ST18: variants seen among roughly 807,000 people sequenced by gnomAD.
The protein encoded by ST18 is suppression of tumorigenicity 18 protein.
A neutral mutation model predicts 110.0 loss-of-function variants in ST18; 50 were observed. The ratio of observed to expected loss-of-function variants is 0.45; its 90% CI spans 0.36 to 0.58. ST18 has a LOEUF of 0.58. ST18 is among the 20% of genes least tolerant of loss of function. The pLI, the probability that ST18 is intolerant of heterozygous loss-of-function variation, is 0.00. For synonymous variants in ST18, 461 were observed against 452.4 expected, an observed-to-expected ratio of 1.02 and a Z score of -0.24; for missense variants, 1,306 against 1,280.1, an observed-to-expected ratio of 1.02 and a Z score of -0.31.
chr8:52,239,616 A>C (rs997486326), intron 2 of ST18, among the ~76,000 whole-genome samples: 7 of 152,110 alleles, frequency 4.6e-5, no homozygotes, highest in Non-Finnish European at 8.8e-5. Flanking sequence ...TACCAAAAAA[A>C]CAAAAAGCCA....
At chr8:52,357,689 A>G (rs1349026143) in intron 2 of ST18, among the ~76,000 whole-genome samples, 2 of 44,476 alleles carry the variant, frequency 4.5e-5, no homozygotes, top group African/African-American at 3.0e-4. Flanking sequence ...ATATATATAT[A>G]TATATATATA....
At chr8:52,272,970 T>C (rs1301297095) in intron 2 of ST18, among the ~76,000 whole-genome samples, 1 of 152,148 alleles carries the variant, frequency 6.6e-6, no homozygotes, top group Non-Finnish European at 1.5e-5. Context: ...TGAAATAAGC[T>C]CTAGAGATCT....
At chr8:52,146,237 A>G (rs895945753) in intron 16 of ST18, among the ~76,000 whole-genome samples, 1 of 152,190 alleles carries the variant, frequency 6.6e-6, no homozygotes, top group Non-Finnish European at 1.5e-5. Context: ...AGAAAGGATC[A>G]GTCCTGGAAC....
intron 10 of ST18, among the ~76,000 whole-genome samples, chr8:52,168,935 T>C (rs2063881614): frequency 6.6e-6 from 1 of 152,148 alleles, no homozygotes; most frequent in African/African-American, 2.4e-5. Flanking sequence ...CAATAATGTG[T>C]ATTTCGATGC....
intron 23 of ST18, among the ~76,000 whole-genome samples, chr8:52,122,691 G>A (rs2045434769): frequency 6.6e-6 from 1 of 151,894 alleles, no homozygotes; most frequent in Admixed American, 6.6e-5. Context: ...GTTTCAACAT[G>A]TTGGCCAGGC....
At chr8:52,256,289 A>G (rs2094527097) in intron 2 of ST18, among the ~76,000 whole-genome samples, 1 of 152,242 alleles carries the variant, frequency 6.6e-6, no homozygotes. Flanking sequence ...TGCCTAGTGC[A>G]AAATTTCATT....
chr8:52,132,993 C>A, intron 21 of ST18, 64 bp downstream of exon 21: 15 of 1,574,612 alleles, frequency 9.5e-6, no homozygotes, highest in South Asian at 2.2e-5. Flanking sequence ...GCATCCCAAC[C>A]AAGTTCCCTC....
intron 2 of ST18, among the ~76,000 whole-genome samples, chr8:52,330,785 T>C (rs1808918200): frequency 6.6e-6 from 1 of 152,130 alleles, no homozygotes; most frequent in Non-Finnish European, 1.5e-5. Context: ...GGCTAAGAAC[T>C]GAAGAGGACA....
At chr8:52,221,094 T>C (rs1247873353) in intron 4 of ST18, among the ~76,000 whole-genome samples, 1 of 55,092 alleles carries the variant, frequency 1.8e-5, no homozygotes, top group African/African-American at 6.6e-5. Context: ...TCTCTATCTA[T>C]CTATCTATCT....
intron 9 of ST18, among the ~76,000 whole-genome samples, chr8:52,173,948 A>G (rs1587731054): frequency 6.6e-6 from 1 of 152,174 alleles, no homozygotes; most frequent in Non-Finnish European, 1.5e-5. Context: ...TCAAAAATAC[A>G]TCTCCATCAT....
intron 2 of ST18, among the ~76,000 whole-genome samples, chr8:52,241,380 A>G (rs946119593): frequency 3.9e-5 from 6 of 152,216 alleles, no homozygotes; most frequent in African/African-American, 1.4e-4. Flanking sequence ...TTTTTAGAGG[A>G]AAAATAGAAT....
At chr8:52,342,654 G>A (rs1815663149) in intron 2 of ST18, among the ~76,000 whole-genome samples, 1 of 152,156 alleles carries the variant, frequency 6.6e-6, no homozygotes, top group African/African-American at 2.4e-5. Context: ...TCTGATGCAG[G>A]AGATCTGGGG....
intron 2 of ST18, among the ~76,000 whole-genome samples, chr8:52,379,200 C>T (rs185842212): frequency 3.5e-3 from 527 of 151,190 alleles, no homozygotes; most frequent in African/African-American, 0.012. Flanking sequence ...CAGGTTCAAG[C>T]GATTCTCCTG....
chr8:52,114,509 T>C (rs1321287070), intron 25 of ST18, among the ~76,000 whole-genome samples: 1 of 152,202 alleles, frequency 6.6e-6, no homozygotes, highest in Non-Finnish European at 1.5e-5. Flanking sequence ...AGTACTGTTA[T>C]TGTTGCTATT....
intron 22 of ST18, among the ~76,000 whole-genome samples, chr8:52,127,314 T>G (rs997299638): frequency 3.9e-5 from 6 of 152,178 alleles, no homozygotes; most frequent in Non-Finnish European, 5.9e-5. Flanking sequence ...CTATAGATTT[T>G]TCTACACAGA....
At chr8:52,225,855 A>G (rs2089183873) in intron 3 of ST18, among the ~76,000 whole-genome samples, 1 of 152,222 alleles carries the variant, frequency 6.6e-6, no homozygotes, top group Non-Finnish European at 1.5e-5. Context: ...CCCAGTCTGT[A>G]TTGTTACCTT....
chr8:52,230,662 AT>A (rs908457971), intron 2 of ST18, among the ~76,000 whole-genome samples: 38 of 141,264 alleles, frequency 2.7e-4, no homozygotes, highest in East Asian at 9.7e-4. Flanking sequence ...TTTCAAAAGG[AT>A]TTTTTTTAAA....
At chr8:52,174,786 G>A (rs796284745) in intron 9 of ST18, among the ~76,000 whole-genome samples, 30 of 152,282 alleles carry the variant, frequency 2.0e-4, no homozygotes, top group African/African-American at 6.0e-4. Flanking sequence ...CAGCACACGC[G>A]GGTTTCTAGG....
At chr8:52,191,740 G>A (rs1464062434) in intron 8 of ST18, among the ~76,000 whole-genome samples, 1 of 152,208 alleles carries the variant, frequency 6.6e-6, no homozygotes, top group Non-Finnish European at 1.5e-5. Flanking sequence ...GAAGGGCTCA[G>A]GTGCAGCTGG....
Sources: gnomAD v4.1 joint callset for allele counts (sites outside exome capture counted in the v4.1 genomes callset) on GRCh38, gnomAD v4.1.1 for gene constraint, MANE v1.5 for transcripts, NCBI Gene and HGNC (gene_info 2026-07-23, HGNC 2026-07-21) for gene names.